LINGO2: variants seen among roughly 807,000 people sequenced by gnomAD.
The protein encoded by LINGO2 is leucine-rich repeat and immunoglobulin-like domain-containing nogo receptor-interacting protein 2.
LINGO2 carries 14 observed loss-of-function variants against 30.6 expected under a neutral mutation model. The observed-to-expected ratio is 0.46, with a 90% confidence interval of 0.30 to 0.72. LINGO2 has a LOEUF of 0.72. LINGO2 is among the 30% of genes least tolerant of loss of function. The probability of loss-of-function intolerance (pLI) is 0.07; values close to 1 mark genes in which losing one functional copy is unlikely to be tolerated. For missense variants in LINGO2, 729 were observed against 751.7 expected (o/e 0.97, Z 0.35); for synonymous variants, 317 against 288.5 (o/e 1.10, Z -1.00).
intron 5 of LINGO2, among the ~76,000 whole-genome samples, chr9:27,981,379 G>A (rs867965239): frequency 2.0e-5 from 3 of 150,864 alleles, no homozygotes; most frequent in East Asian, 2.0e-4. Context: ...AATAAAAAGC[G>A]AAACATGAGC....
intron 4 of LINGO2, among the ~76,000 whole-genome samples, chr9:28,268,164 T>C (rs1286763461): frequency 6.6e-6 from 1 of 152,024 alleles, no homozygotes; most frequent in Non-Finnish European, 1.5e-5. Flanking sequence ...TAAAACTAGG[T>C]AGCTTTTGAA....
chr9:28,654,516 A>G (rs567885856), intron 1 of LINGO2, among the ~76,000 whole-genome samples: 2 of 152,062 alleles, frequency 1.3e-5, no homozygotes, highest in Non-Finnish European at 2.9e-5. Flanking sequence ...TTTTACCTCA[A>G]CTTTATTCCT....
At chr9:29,034,452 T>G in the LINGO2 span, among the ~76,000 whole-genome samples, 1 of 152,172 alleles carries the variant, frequency 6.6e-6, no homozygotes, top group African/African-American at 2.4e-5. Context: ...CCCAGCAAAC[T>G]GTAAGCATTT....
intron 5 of LINGO2, among the ~76,000 whole-genome samples, chr9:27,990,355 GA>G (rs1821332559): frequency 6.6e-6 from 1 of 151,750 alleles, no homozygotes; most frequent in Non-Finnish European, 1.5e-5. Flanking sequence ...TATTTAAACA[GA>G]TAGAGGATAG....
the LINGO2 span, among the ~76,000 whole-genome samples, chr9:28,926,943 G>A: frequency 2.6e-5 from 4 of 152,000 alleles, no homozygotes; most frequent in Non-Finnish European, 4.4e-5. Context: ...TTTACTTACT[G>A]TCTGTCAAAA....
At chr9:27,951,476 T>G (rs1362471758) in intron 5 of LINGO2, among the ~76,000 whole-genome samples, 1 of 152,142 alleles carries the variant, frequency 6.6e-6, no homozygotes, top group Non-Finnish European at 1.5e-5. Context: ...TATTGAGGAA[T>G]GGGAAGATAA....
At chr9:28,928,086 C>T in the LINGO2 span, among the ~76,000 whole-genome samples, 1 of 152,174 alleles carries the variant, frequency 6.6e-6, no homozygotes, top group South Asian at 2.1e-4. Context: ...TTGACATTCA[C>T]AAAGATTTAG....
intron 3 of LINGO2, among the ~76,000 whole-genome samples, chr9:28,315,876 C>G (rs564680010): frequency 2.0e-5 from 3 of 152,124 alleles, no homozygotes; most frequent in Admixed American, 6.5e-5. Context: ...ATAATAATAG[C>G]GTAAGATTTG....
chr9:28,016,758 A>G (rs1587696665), intron 4 of LINGO2, among the ~76,000 whole-genome samples: 1 of 151,836 alleles, frequency 6.6e-6, no homozygotes, highest in Non-Finnish European at 1.5e-5. Context: ...ATTCTACCAC[A>G]TGTATAAAGA....
chr9:28,788,550 A>G, the LINGO2 span, among the ~76,000 whole-genome samples: 2 of 152,200 alleles, frequency 1.3e-5, no homozygotes, highest in African/African-American at 2.4e-5. Context: ...ATTGCCCAAG[A>G]CTGGGTAATT....
the LINGO2 span, among the ~76,000 whole-genome samples, chr9:28,871,032 C>T: frequency 6.6e-6 from 1 of 151,800 alleles, no homozygotes; most frequent in Non-Finnish European, 1.5e-5. Flanking sequence ...TCCTTCTAGA[C>T]ATCTACAGAA....
intron 2 of LINGO2, among the ~76,000 whole-genome samples, chr9:28,452,106 A>G (rs1824672611): frequency 1.3e-5 from 2 of 151,768 alleles, no homozygotes; most frequent in Admixed American, 1.3e-4. Context: ...AAATCACAGC[A>G]ATTAAGATGG....
intron 4 of LINGO2, among the ~76,000 whole-genome samples, chr9:28,108,191 A>G (rs1401876080): frequency 6.6e-6 from 1 of 152,154 alleles, no homozygotes; most frequent in Non-Finnish European, 1.5e-5. Context: ...CAGTGACTCA[A>G]TACCAAATGC....
At chr9:28,946,609 TA>T in the LINGO2 span, among the ~76,000 whole-genome samples, 3 of 152,142 alleles carry the variant, frequency 2.0e-5, no homozygotes, top group Non-Finnish European at 2.9e-5. Context: ...TTTTTCCTAT[TA>T]AAAAGTGAAA....
intron 4 of LINGO2, among the ~76,000 whole-genome samples, chr9:28,121,699 T>C (rs1032974460): frequency 1.3e-5 from 2 of 152,200 alleles, no homozygotes; most frequent in African/African-American, 4.8e-5. Context: ...CAAAGATTTA[T>C]GAACTATAAC....
At chr9:28,041,062 C>G (rs1824175971) in intron 4 of LINGO2, among the ~76,000 whole-genome samples, 1 of 152,190 alleles carries the variant, frequency 6.6e-6, no homozygotes, top group South Asian at 2.1e-4. Context: ...CTACTGTTAG[C>G]ATTTCCTTTG....
intron 4 of LINGO2, among the ~76,000 whole-genome samples, chr9:28,113,384 G>A (rs901492239): frequency 2.2e-5 from 2 of 91,416 alleles, no homozygotes; most frequent in African/African-American, 8.7e-5. Context: ...GGATTGACTT[G>A]GTGATGCGGG....
the LINGO2 span, among the ~76,000 whole-genome samples, chr9:29,036,574 A>T: frequency 2.6e-4 from 39 of 152,186 alleles, no homozygotes; most frequent in Admixed American, 4.6e-4. Flanking sequence ...TGCATGTAAT[A>T]ATACAGTCTG....
the LINGO2 span, among the ~76,000 whole-genome samples, chr9:28,996,608 C>A: frequency 1.3e-5 from 2 of 152,168 alleles, no homozygotes; most frequent in African/African-American, 2.4e-5. Context: ...ATATATAATT[C>A]TTCCTGTATT....
Sources: gnomAD v4.1 joint callset for allele counts (sites outside exome capture counted in the v4.1 genomes callset) on GRCh38, gnomAD v4.1.1 for gene constraint, MANE v1.5 for transcripts, NCBI Gene and HGNC (gene_info 2026-07-23, HGNC 2026-07-21) for gene names.